Variants in FHIT observed in about 807,000 individuals in gnomAD.
The protein encoded by FHIT is fragile histidine triad diadenosine triphosphatase.
A neutral mutation model predicts 17.9 loss-of-function variants in FHIT; 19 were observed. That is an observed-to-expected ratio of 1.06 (90% confidence interval 0.74 to 1.56). FHIT has a LOEUF of 1.56. Ranked by LOEUF, FHIT falls within the 40% of genes most tolerant of loss-of-function variation. FHIT has a pLI of 0.00. For missense variants in FHIT, 248 were observed against 189.2 expected, an observed-to-expected ratio of 1.31 and a Z score of -1.82; for synonymous variants, 81 against 69.7, an observed-to-expected ratio of 1.16 and a Z score of -0.81.
intron 7 of FHIT, among the ~76,000 whole-genome samples, chr3:59,996,204 A>G (rs756066914): frequency 4.6e-5 from 7 of 152,100 alleles, no homozygotes; most frequent in Non-Finnish European, 8.8e-5. Flanking sequence ...TATTATTCCA[A>G]TTTTGCAACC....
intron 5 of FHIT, among the ~76,000 whole-genome samples, chr3:60,423,262 G>C (rs1022115666): frequency 5.9e-5 from 9 of 152,200 alleles, no homozygotes; most frequent in African/African-American, 1.9e-4. Context: ...CTGCACTGGT[G>C]AATCAACCAA....
At chr3:61,249,310 A>C (rs975973669) in intron 1 of FHIT, among the ~76,000 whole-genome samples, 2 of 152,188 alleles carry the variant, frequency 1.3e-5, no homozygotes, top group Non-Finnish European at 2.9e-5. Context: ...CTAATCTCTA[A>C]AATAAAGGTA....
intron 5 of FHIT, among the ~76,000 whole-genome samples, chr3:60,517,152 C>A (rs973684992): frequency 6.6e-6 from 1 of 152,136 alleles, no homozygotes; most frequent in Admixed American, 6.5e-5. Flanking sequence ...GTTATAAAGG[C>A]TCAAGAGTTA....
At chr3:60,259,872 G>A (rs1227582757) in intron 5 of FHIT, among the ~76,000 whole-genome samples, 5 of 152,018 alleles carry the variant, frequency 3.3e-5, no homozygotes, top group African/African-American at 1.2e-4. Context: ...TGCCAACTCA[G>A]GGAGTGTGAA....
intron 8 of FHIT, among the ~76,000 whole-genome samples, chr3:59,756,906 T>C (rs73092688): frequency 0.089 from 13,594 of 152,288 alleles, 818 homozygotes; most frequent in South Asian, 0.24. Context: ...TTAACATCTT[T>C]GAAATCAAAA....
chr3:61,149,003 A>G (rs2037308226), intron 2 of FHIT, among the ~76,000 whole-genome samples: 1 of 152,256 alleles, frequency 6.6e-6, no homozygotes, highest in Non-Finnish European at 1.5e-5. Flanking sequence ...TTTTCCATAG[A>G]AACACTCTCA....
chr3:61,191,763 T>G (rs1294349073), intron 2 of FHIT, among the ~76,000 whole-genome samples: 1 of 151,962 alleles, frequency 6.6e-6, no homozygotes, highest in Admixed American at 6.6e-5. Context: ...CCCACACCCA[T>G]GCCCTACACA....
At chr3:60,377,393 G>C (rs1022956006) in intron 5 of FHIT, among the ~76,000 whole-genome samples, 1 of 148,254 alleles carries the variant, frequency 6.7e-6, no homozygotes, top group African/African-American at 2.5e-5. Flanking sequence ...TCTTGACCTT[G>C]TGATCCTCCC....
chr3:60,772,314 CTATATATATA>C (rs61056807), intron 4 of FHIT, among the ~76,000 whole-genome samples: 3,760 of 143,124 alleles, frequency 0.026, 57 homozygotes, highest in East Asian at 0.047. Context: ...CACTTCTCAT[CTATATATATA>C]TATATATATA....
chr3:59,988,880 A>C (rs567321300), intron 7 of FHIT, among the ~76,000 whole-genome samples: 4 of 152,208 alleles, frequency 2.6e-5, no homozygotes, highest in Admixed American at 1.3e-4. Flanking sequence ...CTCTGAAAGT[A>C]AAGGACAGGT....
At chr3:61,070,302 G>T (rs2034761215) in intron 2 of FHIT, among the ~76,000 whole-genome samples, 1 of 152,194 alleles carries the variant, frequency 6.6e-6, no homozygotes, top group Non-Finnish European at 1.5e-5. Flanking sequence ...GCAGGCTTCG[G>T]TATGTCAGAG....
chr3:60,817,842 C>T (rs150671190), intron 4 of FHIT, among the ~76,000 whole-genome samples: 86 of 152,122 alleles, frequency 5.7e-4, no homozygotes, highest in Non-Finnish European at 1.1e-3. Flanking sequence ...GTTTCATTCT[C>T]TTTCTCTTCT....
intron 4 of FHIT, chr3:60,617,086 A>C: frequency 9.1e-6 from 2 of 218,920 alleles, no homozygotes; most frequent in South Asian, 1.6e-4. Context: ...TTTTTAACAG[A>C]ATGTTCCCAA....
At chr3:60,294,911 A>G (rs1045416564) in intron 5 of FHIT, among the ~76,000 whole-genome samples, 3 of 152,148 alleles carry the variant, frequency 2.0e-5, no homozygotes, top group Admixed American at 1.3e-4. Context: ...ACCACAGTTC[A>G]TTTAACTATT....
At chr3:59,781,739 C>T (rs550862870) in intron 8 of FHIT, among the ~76,000 whole-genome samples, 22 of 152,318 alleles carry the variant, frequency 1.4e-4, no homozygotes, top group African/African-American at 3.4e-4. Context: ...ATTGAAACCA[C>T]GACATTTTTT....
At chr3:60,355,719 CA>C (rs1158549421) in intron 5 of FHIT, among the ~76,000 whole-genome samples, 3 of 152,130 alleles carry the variant, frequency 2.0e-5, no homozygotes, top group Non-Finnish European at 4.4e-5. Context: ...GTTTTTGTCA[CA>C]AATTTTTTTT....
intron 7 of FHIT, among the ~76,000 whole-genome samples, chr3:59,944,654 T>C (rs1360448334): frequency 1.3e-5 from 2 of 152,182 alleles, no homozygotes; most frequent in East Asian, 1.9e-4. Context: ...CAATGGGTAA[T>C]TCTTTGATCC....
At chr3:59,873,719 C>T (rs1035785711) in intron 8 of FHIT, among the ~76,000 whole-genome samples, 5 of 151,750 alleles carry the variant, frequency 3.3e-5, no homozygotes, top group Admixed American at 6.6e-5. Flanking sequence ...AAATGTGCCC[C>T]GGGGGAGAAG....
intron 5 of FHIT, among the ~76,000 whole-genome samples, chr3:60,413,022 T>C (rs1702120191): frequency 6.6e-6 from 1 of 152,180 alleles, no homozygotes; most frequent in Non-Finnish European, 1.5e-5. Context: ...TTAAGCCCTT[T>C]TTCTTTACAG....
Sources: gnomAD v4.1 joint callset for allele counts (sites outside exome capture counted in the v4.1 genomes callset) on GRCh38, gnomAD v4.1.1 for gene constraint, MANE v1.5 for transcripts, NCBI Gene and HGNC (gene_info 2026-07-23, HGNC 2026-07-21) for gene names.